ANP32B: variants seen among roughly 807,000 people sequenced by gnomAD.
ANP32B encodes the protein acidic nuclear phosphoprotein 32 family member B.
Under a neutral mutation model 32.2 loss-of-function variants are expected in ANP32B, and 6 were observed. The observed-to-expected ratio is 0.19, with a 90% CI of 0.10 to 0.37. The LOEUF (loss-of-function observed/expected upper bound fraction) is 0.37. Among genes scored for constraint, ANP32B ranks in the 10% least tolerant of loss-of-function variants. The pLI is 1.00. For synonymous variants in ANP32B, 98 were observed against 105.8 expected, an observed-to-expected ratio of 0.93 and a Z score of 0.45; for missense variants, 204 against 289.2, an observed-to-expected ratio of 0.71 and a Z score of 2.14.
At chr9:97,983,978 G>T (rs1217838149) in intron 1 of ANP32B, among the ~76,000 whole-genome samples, 4 of 150,618 alleles carry the variant, frequency 2.7e-5, no homozygotes, top group Non-Finnish European at 5.9e-5. Context: ...ATGCGCGGCC[G>T]GGCGGAGGCC....
At chr9:98,015,273 G>A in intron 6 of ANP32B, 91 bp from the exon 7 acceptor site, 2 of 1,516,282 alleles carry the variant, frequency 1.3e-6, no homozygotes, top group African/African-American at 1.4e-5. Flanking sequence ...TCTCCTAACT[G>A]TCAAAAACTT....
At position 97,998,687 on chromosome 9, in the gene ANP32B, C is replaced by T; in HGVS notation, c.327+9C>T. 6.5e-7 allele frequency: 1 copy of T among 1,539,434 alleles called. No homozygotes were observed. Among genetic ancestry groups the T allele is most frequent in the Non-Finnish European group, 8.7e-7 (1 of 1,145,326 alleles). Reference sequence around the variant, plus strand: ...GCACCTTGGAACCTTTGGTAAGTAACTGAGAATTTGGAAACTGGAACTTAC... The same window carrying T: ...GCACCTTGGAACCTTTGGTAAGTAATTGAGAATTTGGAAACTGGAACTTAC... On this transcript the variant is annotated intron_variant, in intron 3 of 6. Coordinates refer to ENST00000339399, the MANE Select transcript of ANP32B (RefSeq NM_006401.3).
chr9:98,010,262 GTT>G (rs10709205), intron 4 of ANP32B, among the ~76,000 whole-genome samples: 16 of 138,816 alleles, frequency 1.2e-4, no homozygotes, highest in South Asian at 2.3e-4. Flanking sequence ...GAGAAATGGT[GTT>G]TTTTTTTTTT....
At chr9:98,007,158 C>T (rs1426138350) in intron 4 of ANP32B, among the ~76,000 whole-genome samples, 1 of 152,242 alleles carries the variant, frequency 6.6e-6, no homozygotes, top group African/African-American at 2.4e-5. Context: ...GAGAACATCT[C>T]ATTCTTAGTG....
chr9:97,989,343 A>G (rs1017642683), intron 1 of ANP32B, among the ~76,000 whole-genome samples: 7 of 152,232 alleles, frequency 4.6e-5, no homozygotes, highest in African/African-American at 1.4e-4. Context: ...TAGAAAACAA[A>G]TATGAGTTAA....
Position 98,015,502 on chromosome 9 carries a change from T to TAAAA in ANP32B, c.*82_*85dup. ...ACTGCTCATGGATTTTGTAGCTGTT[T>TAAAA]AAAAAAAAAAAAAAGGTAGCTGTGA... On this transcript the variant is annotated 3_prime_UTR_variant, in exon 7 of 7. Transcript: ENST00000339399. 1.6e-6 allele frequency: 2 copies of TAAAA among 1,242,548 alleles called. No homozygotes were observed. The highest frequency in any genetic ancestry group is 1.6e-5 in the African/African-American group (1 of 63,196). 77.0% of individuals were successfully genotyped at this position (1,242,548 alleles called of 1,614,324 possible).
intron 3 of ANP32B, among the ~76,000 whole-genome samples, chr9:98,000,454 C>G (rs1051729862): frequency 4.6e-5 from 7 of 152,128 alleles, no homozygotes; most frequent in African/African-American, 1.4e-4. Flanking sequence ...CCCCCATTTC[C>G]AGTATTTAAG....
At chr9:97,984,571 C>CTG (rs1374485339) in intron 1 of ANP32B, 2 of 137,860 alleles carry the variant, frequency 1.5e-5, no homozygotes, top group Non-Finnish European at 3.1e-5. Flanking sequence ...CCACAGGCCG[C>CTG]CGCAGCGCCA....
At chr9:97,999,760 T>C (rs537942128) in intron 3 of ANP32B, among the ~76,000 whole-genome samples, 43 of 152,322 alleles carry the variant, frequency 2.8e-4, no homozygotes, top group African/African-American at 9.6e-4. Flanking sequence ...GTGTAAGTTG[T>C]AGTGGCCAGA....
intron 3 of ANP32B, among the ~76,000 whole-genome samples, chr9:98,003,892 A>G (rs982754266): frequency 5.9e-5 from 9 of 152,192 alleles, no homozygotes; most frequent in African/African-American, 2.2e-4. Flanking sequence ...TATTGCCCCT[A>G]TTCTGAAAGG....
chr9:97,999,209 T>C (rs535917188), intron 3 of ANP32B, among the ~76,000 whole-genome samples: 8 of 152,206 alleles, frequency 5.3e-5, no homozygotes, highest in East Asian at 3.9e-4. Flanking sequence ...CTGCCTGATA[T>C]TGTGGTGGCA....
rs940604814 is a variant in ANP32B, at chr9:98,015,556, A to G, written c.*125A>G. On this transcript the variant is annotated 3_prime_UTR_variant, in exon 7 of 7. Coordinates refer to ENST00000339399, the MANE Select transcript of ANP32B (RefSeq NM_006401.3). ...AAACCCCAGGACACCCACCCACCCAAAGAGCCAAAGAATAGTTCCTGTGAC... is the reference window on the plus strand; with the variant it reads ...AAACCCCAGGACACCCACCCACCCAGAGAGCCAAAGAATAGTTCCTGTGAC... 2.1e-6 allele frequency: 3 copies of G among 1,411,268 alleles called. No individual in the cohort carries two copies. Among genetic ancestry groups the G allele is most frequent in the African/African-American group, 1.5e-5 (1 of 68,852 alleles). The allele number at this position is 1,411,268 out of a possible 1,614,324, so 87.4% of individuals were successfully genotyped here.
At position 97,983,492 on chromosome 9, in the gene ANP32B, A is replaced by C. The variant is rs1388238302; in HGVS notation, c.-64A>C. 1.6e-5 allele frequency: 23 copies of C among 1,415,624 alleles called. No homozygotes were observed. Among genetic ancestry groups the C allele is most frequent in the Non-Finnish European group, 2.1e-5 (22 of 1,036,476 alleles). 87.7% of individuals were successfully genotyped at this position (1,415,624 alleles called of 1,614,324 possible). A position where few individuals can be genotyped will look rare whatever the true frequency, so the allele number is the denominator to read the frequency against. On this transcript the variant is annotated 5_prime_UTR_variant, in exon 1 of 7. Transcript: ENST00000339399. ...GACGGCCCTCGCTGCGCAAGCCGGG[A>C]CGCCTCTCCCCCCTCCGCCCCCGCC...
chr9:97,992,331 C>T lies in ANP32B; in HGVS notation c.55-2300C>T, dbSNP rs1050582179. Among the ~76,000 whole-genome samples, 6 of 152,138 alleles carry T rather than the reference C, an allele frequency of 3.9e-5. 1 individual carries two copies. In the South Asian group the frequency reaches 6.2e-4, roughly 16 times the overall value. ...CTTGAACTCCTGACCTTAGATGATC[C>T]GCCCGCCTTGACCTCCCAGGAGTGT... On this transcript the variant is annotated intron_variant, in intron 1 of 6. Coordinates refer to ENST00000339399, the MANE Select transcript of ANP32B (RefSeq NM_006401.3).
rs57714507 is a variant in ANP32B at position 98,015,854 on chromosome 9, AT to A, written c.*431del. 19 of 961,586 alleles carry A rather than the reference AT, an allele frequency of 2.0e-5. No homozygotes were observed. Among genetic ancestry groups the A allele is most frequent in the Non-Finnish European group, 2.1e-5 (17 of 808,540 alleles). 59.6% of individuals were successfully genotyped at this position (961,586 alleles called of 1,614,324 possible). On this transcript the variant is annotated 3_prime_UTR_variant, in exon 7 of 7. Coordinates refer to ENST00000339399, the MANE Select transcript of ANP32B (RefSeq NM_006401.3). Reference sequence around the variant, plus strand: ...GCTTTGCTTTTTAATTATTATTATTATTTTTTTTACATTAGGACATTTTATG... The same window carrying A: ...GCTTTGCTTTTTAATTATTATTATTATTTTTTTACATTAGGACATTTTATG...
chr9:97,997,132 C>T (rs1302375309), intron 2 of ANP32B, among the ~76,000 whole-genome samples: 2 of 152,172 alleles, frequency 1.3e-5, no homozygotes, highest in East Asian at 3.8e-4. Flanking sequence ...GGGTCTAAAA[C>T]ATGGGTTAAG....
intron 6 of ANP32B, among the ~76,000 whole-genome samples, chr9:98,013,248 C>T (rs1338708761): frequency 6.6e-6 from 1 of 152,132 alleles, no homozygotes; most frequent in Non-Finnish European, 1.5e-5. Context: ...GTCTTGAATT[C>T]CTGGCTGAAT....
At chr9:98,010,395 C>T (rs922733940) in intron 4 of ANP32B, among the ~76,000 whole-genome samples, 1 of 151,222 alleles carries the variant, frequency 6.6e-6, no homozygotes, top group African/African-American at 2.4e-5. Context: ...CCAGCCTGGG[C>T]AACATAGACA....
intron 1 of ANP32B, among the ~76,000 whole-genome samples, chr9:97,985,101 A>G (rs1393992407): frequency 6.7e-6 from 1 of 148,680 alleles, no homozygotes; most frequent in African/African-American, 2.5e-5. Context: ...CGGGCCAGTT[A>G]GCGCCGCGGC....
Sources: gnomAD v4.1 joint callset for allele counts (sites outside exome capture counted in the v4.1 genomes callset) on GRCh38, gnomAD v4.1.1 for gene constraint, MANE v1.5 for transcripts, NCBI Gene and HGNC (gene_info 2026-07-23, HGNC 2026-07-21) for gene names.